The following ASB2 variants were observed in gnomAD, a reference collection of about 807,000 sequenced individuals.
ASB2 encodes ankyrin repeat and SOCS box protein 2.
A neutral mutation model predicts 62.4 loss-of-function variants in ASB2; 58 were observed. That is an observed-to-expected ratio of 0.93 (90% CI 0.75 to 1.16). The LOEUF is 1.16. Among genes scored for constraint, ASB2 ranks in the 50% most tolerant of loss-of-function variants. The pLI is 0.00. For synonymous variants in ASB2, 386 were observed against 385.3 expected, an observed-to-expected ratio of 1.00 and a Z score of -0.02; for missense variants, 928 against 887.9, an observed-to-expected ratio of 1.05 and a Z score of -0.57.
chr14:93,945,100 G>A (rs534934256), intron 7 of ASB2, among the ~76,000 whole-genome samples: 1 of 152,344 alleles, frequency 6.6e-6, no homozygotes, highest in Non-Finnish European at 1.5e-5. Flanking sequence ...AGACAGTGGG[G>A]CTCCTTCTCT....
intron 4 of ASB2, 65 bp downstream of exon 4, chr14:93,954,252 A>G: frequency 7.8e-7 from 1 of 1,278,486 alleles, no homozygotes. Context: ...ATGAAGCCCC[A>G]GGAGCGGCAG....
chr14:93,947,225 G>T, intron 7 of ASB2, 124 bp downstream of exon 7: 1 of 1,032,606 alleles, frequency 9.7e-7, no homozygotes, highest in Non-Finnish European at 1.4e-6. Context: ...TGTCCATTCT[G>T]ACCTCTCCTG....
intron 6 of ASB2, among the ~76,000 whole-genome samples, chr14:93,949,287 G>A (rs1269992753): frequency 6.6e-6 from 1 of 152,210 alleles, no homozygotes; most frequent in Non-Finnish European, 1.5e-5. Flanking sequence ...TTCTGATCCA[G>A]CGGAAACAGC....
At chr14:93,954,907 T>G (rs1164351347) in intron 3 of ASB2, among the ~76,000 whole-genome samples, 1 of 152,182 alleles carries the variant, frequency 6.6e-6, no homozygotes, top group East Asian at 1.9e-4. Flanking sequence ...TGTCGCTTAT[T>G]CCTACTCCCA....
chr14:93,958,038 C>A (rs2141303952), intron 2 of ASB2, among the ~76,000 whole-genome samples: 1 of 152,296 alleles, frequency 6.6e-6, no homozygotes, highest in African/African-American at 2.4e-5. Context: ...TGGGTACACC[C>A]CAGCAAGGCC....
chr14:93,951,089 C>T lies in ASB2; in HGVS notation c.790G>A (p.Val264Met). Residue 264 changes from valine (V) to methionine (M), a missense_variant, in exon 6 of 10, where the codon GTG (valine) becomes ATG (methionine). Coordinates refer to ENST00000555019, the MANE Select transcript of ASB2 (RefSeq NM_001202429.2). The stretch of plus-strand genomic sequence containing the variant: ...ATGCCGTAGGCGTTCTTGGATTCCA[C>T]CTTGGCTCCTCCGCTCACCAGGATC... ...MQILVSGGAK[V>M]ESKNAYGITP... 6.2e-7 allele frequency: 1 copy of T among 1,614,236 alleles called. No individual in the cohort carries two copies. The highest frequency in any genetic ancestry group is 1.3e-5 in the African/African-American group (1 of 75,066).
intron 2 of ASB2, chr14:93,957,133 ACC>A (rs1166343932): frequency 1.9e-6 from 2 of 1,033,656 alleles, no homozygotes; most frequent in African/African-American, 3.5e-5. Context: ...ACCTCACCCC[ACC>A]CCCCGGTCCC....
Position 93,937,806 on chromosome 14 carries a change from G to A in ASB2, c.1663C>T (p.Pro555Ser). 6.2e-7 allele frequency: 1 copy of A among 1,610,778 alleles called. No homozygotes were observed. Among genetic ancestry groups the A allele is most frequent in the South Asian group, 1.1e-5 (1 of 90,970 alleles). ...SAPEVSRWAG[P>S]IIDVLLDYVG... ...TAGTCCAGGAGGACATCGATGATGG[G>A]CCCCGCCCAGCGGCTCACCTCTGGG... Residue 555 changes from proline (P) to serine (S), a missense_variant, in exon 9 of 10, where the codon CCC becomes TCC. Physicochemically the swap from Pro to Ser is moderately conservative, Grantham distance 74 (BLOSUM62 -1). Transcript: ENST00000555019.
rs1889917334 is a variant in ASB2, at chr14:93,976,543, A to G, written c.-183T>C. 1 of 152,194 alleles carries G rather than the reference A, an allele frequency of 6.6e-6. No individual in the cohort carries two copies. The highest frequency in any genetic ancestry group is 2.4e-5 in the African/African-American group (1 of 41,442). 9.4% of individuals were successfully genotyped at this position (152,194 alleles called of 1,614,324 possible). A position where few individuals can be genotyped will look rare whatever the true frequency, so the allele number is the denominator to read the frequency against. ...GAGTTTTCCTTCTGCCCTGGCCCCA[A>G]GCTTCTGGCTGCTCTGCCAGGCAGT... is the stretch of plus-strand genomic sequence containing the variant. On this transcript the variant is annotated 5_prime_UTR_variant, in exon 1 of 10. Coordinates refer to ENST00000555019, the MANE Select transcript of ASB2 (RefSeq NM_001202429.2).
chr14:93,951,368 A>G (rs183703197), intron 5 of ASB2, 124 bp from the exon 6 acceptor site: 2 of 1,183,362 alleles, frequency 1.7e-6, no homozygotes, highest in East Asian at 4.9e-5. Flanking sequence ...ATGTGTATTA[A>G]GTTCCAATCC....
At position 93,954,882 on chromosome 14, in the gene ASB2, C is replaced by G. The variant is rs566645643; in HGVS notation, c.312-399G>C. Among the ~76,000 whole-genome samples, 25 of 152,328 alleles carry G rather than the reference C, an allele frequency of 1.6e-4. 1 individual carries two copies. The Middle Eastern group carries it at 0.024, about 145-fold the overall frequency. Reference sequence around the variant, plus strand: ...TGAGCATATCTCTGGGGTCTTCCAACTCCTCTCCTTGCCCTGTCGCTTATT... The same window carrying G: ...TGAGCATATCTCTGGGGTCTTCCAAGTCCTCTCCTTGCCCTGTCGCTTATT... On this transcript the variant is annotated intron_variant, in intron 3 of 9. Transcript: ENST00000555019.
chr14:93,956,185 G>A (rs1048941118), intron 3 of ASB2, among the ~76,000 whole-genome samples: 1 of 152,186 alleles, frequency 6.6e-6, no homozygotes, highest in African/African-American at 2.4e-5. Flanking sequence ...TATTTTCTAA[G>A]GAGCGCATTA....
chr14:93,956,483 G>A (rs1595322163), intron 3 of ASB2, among the ~76,000 whole-genome samples: 1 of 152,050 alleles, frequency 6.6e-6, no homozygotes, highest in East Asian at 1.9e-4. Flanking sequence ...AGCCCCATGG[G>A]GCTCCTCCAG....
At chr14:93,948,878 G>A (rs1288611368) in intron 6 of ASB2, among the ~76,000 whole-genome samples, 4 of 152,154 alleles carry the variant, frequency 2.6e-5, no homozygotes, top group Non-Finnish European at 5.9e-5. Flanking sequence ...TGATATAGGC[G>A]GCAGTGAGCC....
intron 7 of ASB2, chr14:93,942,401 G>A (rs982474409): frequency 4.8e-6 from 2 of 417,926 alleles, no homozygotes; most frequent in African/African-American, 2.0e-5. Context: ...TCCAGCTCAG[G>A]GTCATTCCAG....
intron 6 of ASB2, among the ~76,000 whole-genome samples, chr14:93,949,028 A>G (rs1888846759): frequency 6.6e-6 from 1 of 152,216 alleles, no homozygotes; most frequent in Admixed American, 6.5e-5. Flanking sequence ...CCTTCAGCTC[A>G]GTCTTCTACA....
At position 93,934,741 on chromosome 14, in the gene ASB2, A is replaced by G. The variant is rs1349109871; in HGVS notation, c.1823T>C (p.Ile608Thr). Reference sequence around the variant, plus strand: ...TAGGAGTTTTATACGGTATTTCCCAATGGCCTTTCGAACCCGCAGTCGGCA... The same window carrying G: ...TAGGAGTTTTATACGGTATTTCCCAGTGGCCTTTCGAACCCGCAGTCGGCA... ...HLCRLRVRKA[I>T]GKYRIKLLDT... Residue 608 changes from isoleucine to threonine, a missense_variant, in exon 10 of 10, where the codon ATT becomes ACT. Ile to Thr is a moderately conservative substitution (Grantham distance 89, BLOSUM62 -1). Transcript: ENST00000555019. 1.2e-6 allele frequency: 2 copies of G among 1,613,792 alleles called. No homozygotes were observed. The highest frequency in any genetic ancestry group is 1.3e-5 in the African/African-American group (1 of 75,040).
intron 9 of ASB2, among the ~76,000 whole-genome samples, chr14:93,935,776 C>T (rs963856037): frequency 1.7e-5 from 2 of 115,960 alleles, no homozygotes; most frequent in Admixed American, 8.1e-5. Context: ...TCTGACACTT[C>T]CACTGCCCTC....
intron 7 of ASB2, chr14:93,942,280 C>T (rs1394668419): frequency 4.4e-6 from 2 of 455,970 alleles, no homozygotes; most frequent in African/African-American, 4.0e-5. Context: ...TCTGATAGAG[C>T]CGTAGGTGTC....
Sources: gnomAD v4.1 joint callset for allele counts (sites outside exome capture counted in the v4.1 genomes callset) on GRCh38, gnomAD v4.1.1 for gene constraint, MANE v1.5 for transcripts, NCBI Gene and HGNC (gene_info 2026-07-23, HGNC 2026-07-21) for gene names.